KHDRBS2: variants seen among roughly 807,000 people sequenced by gnomAD.
KHDRBS2 encodes KH RNA binding domain containing, signal transduction associated 2, also known as KH domain-containing, RNA-binding, signal transduction-associated protein 2.
A neutral mutation model predicts 44.3 loss-of-function variants in KHDRBS2; 26 were observed. The observed-to-expected ratio is 0.59, with a 90% CI of 0.43 to 0.81. KHDRBS2 has a LOEUF of 0.81. Among genes scored for constraint, KHDRBS2 ranks in the 40% least tolerant of loss-of-function variants. The probability of loss-of-function intolerance (pLI) is 0.00; values close to 1 mark genes in which losing one functional copy is unlikely to be tolerated. For synonymous variants in KHDRBS2, 194 were observed against 151.1 expected (o/e 1.28, Z -2.08); for missense variants, 476 against 433.1 (o/e 1.10, Z -0.88).
chr6:61,649,071 G>A, the KHDRBS2 span, among the ~76,000 whole-genome samples: 2 of 152,202 alleles, frequency 1.3e-5, no homozygotes, highest in South Asian at 2.1e-4. Context: ...AGGTTCTCAC[G>A]TGGAGGAAGT....
intron 4 of KHDRBS2, among the ~76,000 whole-genome samples, chr6:61,948,689 T>G (rs1427118503): frequency 1.4e-5 from 2 of 148,120 alleles, no homozygotes; most frequent in East Asian, 3.9e-4. Flanking sequence ...ATTATTATTA[T>G]TATTTTAGAG....
chr6:61,745,727 A>T (rs762769593), intron 6 of KHDRBS2, among the ~76,000 whole-genome samples: 1 of 152,202 alleles, frequency 6.6e-6, no homozygotes, highest in Admixed American at 6.5e-5. Context: ...TTCTAATCAT[A>T]GAAATCCAGC....
the KHDRBS2 span, among the ~76,000 whole-genome samples, chr6:61,657,204 A>C: frequency 6.6e-6 from 1 of 151,962 alleles, no homozygotes; most frequent in Non-Finnish European, 1.5e-5. Flanking sequence ...TCTCACACTG[A>C]AAATGTTTTT....
intron 3 of KHDRBS2, among the ~76,000 whole-genome samples, chr6:62,003,173 C>A (rs2127261031): frequency 6.6e-6 from 1 of 151,988 alleles, no homozygotes; most frequent in Non-Finnish European, 1.5e-5. Context: ...GGTTTCTAGT[C>A]CCAGCTGAGG....
intron 2 of KHDRBS2, among the ~76,000 whole-genome samples, chr6:62,136,135 A>G (rs1811473420): frequency 6.6e-6 from 1 of 152,162 alleles, no homozygotes; most frequent in Non-Finnish European, 1.5e-5. Flanking sequence ...TGACTGTAGT[A>G]ACCACTTCAT....
In KHDRBS2 at chr6:61,750,965, C is replaced by T. The variant is rs115822888; in HGVS notation, c.811-18201G>A. Among the ~76,000 whole-genome samples, 500 of 151,834 alleles carry T rather than the reference C, an allele frequency of 3.3e-3. 4 individuals are homozygous for T. Among genetic ancestry groups the T allele is most frequent in the African/African-American group, 0.011 (455 of 41,436 alleles). Reference sequence around the variant, plus strand: ...TCACGATTGCTATTATTATCATATACGACTAAAAATACAAATATATAATTT... The same window carrying T: ...TCACGATTGCTATTATTATCATATATGACTAAAAATACAAATATATAATTT... On this transcript the variant is annotated intron_variant, in intron 6 of 8. Transcript: ENST00000281156.
At chr6:62,026,924 T>C (rs1335603968) in intron 3 of KHDRBS2, among the ~76,000 whole-genome samples, 4 of 152,136 alleles carry the variant, frequency 2.6e-5, no homozygotes, top group Admixed American at 2.0e-4. Flanking sequence ...TATAGCTAGA[T>C]ACATGGTGAA....
intron 2 of KHDRBS2, among the ~76,000 whole-genome samples, chr6:62,096,232 C>A (rs577674675): frequency 2.0e-5 from 3 of 151,950 alleles, no homozygotes; most frequent in African/African-American, 7.2e-5. Flanking sequence ...CTAATAGAAT[C>A]AATTTAGAAG....
chr6:61,713,776 C>T (rs1289268913), intron 7 of KHDRBS2, among the ~76,000 whole-genome samples: 1 of 151,398 alleles, frequency 6.6e-6, no homozygotes, highest in Non-Finnish European at 1.5e-5. Flanking sequence ...AAACTGACAA[C>T]AATATAGACT....
intron 2 of KHDRBS2, among the ~76,000 whole-genome samples, chr6:62,143,123 G>A (rs904473983): frequency 6.6e-6 from 1 of 151,718 alleles, no homozygotes; most frequent in African/African-American, 2.4e-5. Flanking sequence ...GTTTAAAAAC[G>A]ATGGGAAAAT....
At chr6:61,897,403 G>A (rs1803109939) in intron 5 of KHDRBS2, among the ~76,000 whole-genome samples, 1 of 151,996 alleles carries the variant, frequency 6.6e-6, no homozygotes, top group Admixed American at 6.6e-5. Flanking sequence ...CCTGCCCAAG[G>A]TCACACCAGC....
the KHDRBS2 span, among the ~76,000 whole-genome samples, chr6:61,634,210 G>T: frequency 6.6e-6 from 1 of 151,612 alleles, no homozygotes; most frequent in Admixed American, 6.6e-5. Flanking sequence ...CAGTGGCCGG[G>T]TCAGACAGAT....
intron 6 of KHDRBS2, among the ~76,000 whole-genome samples, chr6:61,802,590 A>G (rs1786455175): frequency 6.6e-6 from 1 of 152,150 alleles, no homozygotes; most frequent in Non-Finnish European, 1.5e-5. Context: ...CCTAAATTCT[A>G]GTTTCAAACA....
At chr6:62,124,618 C>CACACACACACACACA (rs1429263493) in intron 2 of KHDRBS2, among the ~76,000 whole-genome samples, 1 of 151,720 alleles carries the variant, frequency 6.6e-6, no homozygotes, top group Non-Finnish European at 1.5e-5. Context: ...CACACACACA[C>CACACACACACACACA]ACCACCTTTA....
chr6:61,672,802 T>A, the KHDRBS2 span, among the ~76,000 whole-genome samples: 2 of 149,868 alleles, frequency 1.3e-5, no homozygotes, highest in South Asian at 2.1e-4. Flanking sequence ...AGGTTGCCTG[T>A]TCACTCTGAT....
In KHDRBS2 at chr6:61,850,779, A is replaced by G. The variant is rs563924969; in HGVS notation, c.810+43856T>C. ...GGGGAGGCTGAGGCAATACCTTTGA[A>G]GGAGACAGTCATGAGATCTAGGGGT... On this transcript the variant is annotated intron_variant, in intron 6 of 8. Transcript: ENST00000281156. Among the ~76,000 whole-genome samples, 5 of 152,258 alleles carry G rather than the reference A, an allele frequency of 3.3e-5. No homozygotes were observed. The South Asian group carries it at 8.3e-4, about 25-fold the overall frequency.
At chr6:61,690,883 G>T (rs1011564949) in intron 8 of KHDRBS2, among the ~76,000 whole-genome samples, 46 of 151,978 alleles carry the variant, frequency 3.0e-4, no homozygotes, top group African/African-American at 1.1e-3. Context: ...AAATTATAAA[G>T]ATAATTATCA....
intron 2 of KHDRBS2, among the ~76,000 whole-genome samples, chr6:62,121,344 C>T (rs1431648435): frequency 6.6e-6 from 1 of 152,210 alleles, no homozygotes; most frequent in South Asian, 2.1e-4. Flanking sequence ...ACTTGAGAGA[C>T]TCAGGGGTGG....
At chr6:61,802,697 A>G (rs1346740026) in intron 6 of KHDRBS2, among the ~76,000 whole-genome samples, 2 of 152,168 alleles carry the variant, frequency 1.3e-5, no homozygotes, top group Non-Finnish European at 2.9e-5. Flanking sequence ...GTAGGGAGTT[A>G]CAAATTTCTT....
Sources: gnomAD v4.1 joint callset for allele counts (sites outside exome capture counted in the v4.1 genomes callset) on GRCh38, gnomAD v4.1.1 for gene constraint, MANE v1.5 for transcripts, NCBI Gene and HGNC (gene_info 2026-07-23, HGNC 2026-07-21) for gene names.